Variants in ME1 observed in about 807,000 individuals in gnomAD.
The protein encoded by ME1 is malic enzyme 1.
In ME1, 74 loss-of-function variants were observed where a neutral mutation model predicts 66.4. The ratio of observed to expected loss-of-function variants is 1.11; its 90% CI spans 0.92 to 1.35. The LOEUF (loss-of-function observed/expected upper bound fraction) is 1.35, where lower values mean the gene tolerates loss of function less well. Ranked by LOEUF, ME1 falls within the 40% of genes most tolerant of loss-of-function variation. The pLI is 0.00. For synonymous variants in ME1, 251 were observed against 235.6 expected, an observed-to-expected ratio of 1.07 and a Z score of -0.60; for missense variants, 750 against 694.1, an observed-to-expected ratio of 1.08 and a Z score of -0.90.
chr6:83,227,040 A>G (rs1207258320), intron 11 of ME1, among the ~76,000 whole-genome samples: 1 of 151,944 alleles, frequency 6.6e-6, no homozygotes, highest in Non-Finnish European at 1.5e-5. Flanking sequence ...CTCTAGAACC[A>G]AGCTGCTTCC....
At chr6:83,303,467 T>C (rs1450918054) in intron 6 of ME1, among the ~76,000 whole-genome samples, 2 of 152,180 alleles carry the variant, frequency 1.3e-5, no homozygotes, top group Non-Finnish European at 2.9e-5. Flanking sequence ...TTGAGCTCTT[T>C]ATGAAATAAA....
intron 2 of ME1, among the ~76,000 whole-genome samples, chr6:83,402,929 C>G (rs1769864504): frequency 6.6e-6 from 1 of 152,134 alleles, no homozygotes; most frequent in African/African-American, 2.4e-5. Flanking sequence ...CCTTGTTTTG[C>G]TATTAATATG....
At chr6:83,412,653 T>C (rs1246058307) in intron 1 of ME1, among the ~76,000 whole-genome samples, 3 of 137,784 alleles carry the variant, frequency 2.2e-5, no homozygotes, top group Non-Finnish European at 4.7e-5. Context: ...CACTGAAATA[T>C]TACCCAACAG....
chr6:83,410,705 A>T (rs891225399), intron 1 of ME1, among the ~76,000 whole-genome samples: 3 of 152,164 alleles, frequency 2.0e-5, no homozygotes, highest in African/African-American at 7.2e-5. Flanking sequence ...AAAACATAAT[A>T]ATCAAAATAT....
chr6:83,361,929 G>T (rs1769012986), intron 3 of ME1, among the ~76,000 whole-genome samples: 2 of 152,152 alleles, frequency 1.3e-5, no homozygotes, highest in African/African-American at 4.8e-5. Context: ...CTCCACTCCT[G>T]CCACCCTGAC....
At chr6:83,268,078 CTT>C (rs1767020395) in intron 6 of ME1, among the ~76,000 whole-genome samples, 1 of 152,126 alleles carries the variant, frequency 6.6e-6, no homozygotes, top group South Asian at 2.1e-4. Context: ...TAAATTGCCA[CTT>C]TTCATTCCTT....
intron 3 of ME1, among the ~76,000 whole-genome samples, chr6:83,371,072 T>C (rs571175575): frequency 1.3e-5 from 2 of 152,310 alleles, no homozygotes; most frequent in East Asian, 3.9e-4. Flanking sequence ...CCCAAATCTT[T>C]AGGTAATCTC....
At chr6:83,257,437 C>A (rs1326262681) in intron 6 of ME1, among the ~76,000 whole-genome samples, 2 of 152,076 alleles carry the variant, frequency 1.3e-5, no homozygotes, top group Non-Finnish European at 2.9e-5. Flanking sequence ...GTGGCAAATT[C>A]ATTCCCTAAA....
chr6:83,321,493 G>A (rs1461998895), intron 5 of ME1, among the ~76,000 whole-genome samples: 15 of 152,028 alleles, frequency 9.9e-5, no homozygotes, highest in Admixed American at 5.2e-4. Context: ...ACTGAGGCTC[G>A]AGTAGGCAGT....
At chr6:83,393,404 G>A (rs1769664296) in intron 3 of ME1, 3 of 692,080 alleles carry the variant, frequency 4.3e-6, no homozygotes, top group Non-Finnish European at 7.7e-6. Flanking sequence ...GGCTTCCAAG[G>A]AGTAAGACCC....
intron 4 of ME1, among the ~76,000 whole-genome samples, chr6:83,350,676 G>A (rs1768782750): frequency 1.3e-5 from 2 of 151,868 alleles, no homozygotes; most frequent in Non-Finnish European, 2.9e-5. Flanking sequence ...TAGAAATGGA[G>A]TCTCACTATG....
chr6:83,315,360 A>C lies in ME1; in HGVS notation c.654T>G (p.Gly218=), dbSNP rs1278932140. ...CGTCCAAAAAATCATCATATTCAGA[A>C]CCTCTTACTCTTCTCTGCCGTAGTC... ...YIGLRQRRVR[G]SEYDDFLDEF... is the part of the protein sequence containing the mutation. The change falls in exon 6 of 14, where the codon GGT becomes GGG. Residue 218 remains glycine (G), a synonymous_variant. Transcript: ENST00000369705. 4.3e-6 allele frequency: 7 copies of C among 1,612,662 alleles called. No individual in the cohort carries two copies. The highest frequency in any genetic ancestry group is 5.9e-6 in the Non-Finnish European group (7 of 1,179,274).
At chr6:83,427,260 CA>C (rs1327290812) in intron 1 of ME1, among the ~76,000 whole-genome samples, 2 of 152,112 alleles carry the variant, frequency 1.3e-5, no homozygotes, top group African/African-American at 4.8e-5. Flanking sequence ...TTAATACAAA[CA>C]AATAGTAAGG....
chr6:83,350,051 G>A (rs1768768017), intron 4 of ME1, among the ~76,000 whole-genome samples: 1 of 152,010 alleles, frequency 6.6e-6, no homozygotes, highest in African/African-American at 2.4e-5. Context: ...GAATAAATAA[G>A]GCACCTATAA....
chr6:83,373,987 C>T (rs1345112272), intron 3 of ME1, among the ~76,000 whole-genome samples: 1 of 152,184 alleles, frequency 6.6e-6, no homozygotes, highest in Non-Finnish European at 1.5e-5. Context: ...ATATGTACCA[C>T]ATTTTCATTA....
At chr6:83,321,293 GC>G (rs1157516102) in intron 5 of ME1, among the ~76,000 whole-genome samples, 1 of 152,116 alleles carries the variant, frequency 6.6e-6, no homozygotes, top group Non-Finnish European at 1.5e-5. Flanking sequence ...CACCTAGAAT[GC>G]CAGCGAGACA....
intron 6 of ME1, among the ~76,000 whole-genome samples, chr6:83,307,537 T>C (rs1362884471): frequency 6.6e-6 from 1 of 152,132 alleles, no homozygotes; most frequent in Admixed American, 6.6e-5. Flanking sequence ...AAGTAACTCA[T>C]GCTGATCAAA....
At position 83,247,345 on chromosome 6, in the gene ME1, C is replaced by T. The variant is rs1790642784; in HGVS notation, c.814+6284G>A. ...TATGTGGCCAATTTCTTAATAGATT[C>T]AATTTATGCATTTTTTCCAGTTTAA... On this transcript the variant is annotated intron_variant, in intron 7 of 13. Transcript: ENST00000369705. 2.0e-5 allele frequency among the ~76,000 whole-genome samples: 3 copies of T among 151,764 alleles called. No individual in the cohort carries two copies. In the South Asian group the frequency reaches 6.2e-4, roughly 32 times the overall value.
rs562973323 is a variant in ME1, at chr6:83,256,577, T to A, written c.705-2839A>T. ...AAAGGATGTGGAGAAATAGGAACGC[T>A]TTTACACTGTTAATGGGAGTGTTAA... On this transcript the variant is annotated intron_variant, in intron 6 of 13. Transcript: ENST00000369705. 1.2e-4 allele frequency among the ~76,000 whole-genome samples: 18 copies of A among 152,292 alleles called. 1 individual carries two copies. The South Asian group carries it at 3.7e-3, about 32-fold the overall frequency.
Sources: gnomAD v4.1 joint callset for allele counts (sites outside exome capture counted in the v4.1 genomes callset) on GRCh38, gnomAD v4.1.1 for gene constraint, MANE v1.5 for transcripts, NCBI Gene and HGNC (gene_info 2026-07-23, HGNC 2026-07-21) for gene names.